The following ALK variants were observed in gnomAD, a reference collection of about 807,000 sequenced individuals.
ALK encodes the protein ALK tyrosine kinase receptor.
A neutral mutation model predicts 163.1 loss-of-function variants in ALK; 74 were observed. That is an observed-to-expected ratio of 0.45 (90% CI 0.38 to 0.55). The LOEUF (loss-of-function observed/expected upper bound fraction) is 0.55. Among genes scored for constraint, ALK ranks in the 20% least tolerant of loss-of-function variants. The pLI, the probability that ALK is intolerant of heterozygous loss-of-function variation, is 0.00. For synonymous variants in ALK, 960 were observed against 843.2 expected (o/e 1.14, Z -2.40); for missense variants, 2,063 against 2,105.3 (o/e 0.98, Z 0.39).
intron 1 of ALK, among the ~76,000 whole-genome samples, chr2:29,775,028 G>A (rs529107876): frequency 2.0e-5 from 3 of 152,174 alleles, no homozygotes; most frequent in Non-Finnish European, 4.4e-5. Flanking sequence ...GACAAATAGG[G>A]CCTAAGGGGA....
At chr2:29,834,075 A>G (rs1483911078) in intron 1 of ALK, among the ~76,000 whole-genome samples, 3 of 152,220 alleles carry the variant, frequency 2.0e-5, no homozygotes, top group Non-Finnish European at 2.9e-5. Flanking sequence ...AAAGGTATAT[A>G]AAATATTATT....
chr2:29,606,743 G>A (rs1675551672), intron 3 of ALK, among the ~76,000 whole-genome samples: 1 of 152,208 alleles, frequency 6.6e-6, no homozygotes, highest in South Asian at 2.1e-4. Flanking sequence ...GGCTTCAGTA[G>A]TTGCAACAGA....
At chr2:29,801,222 A>C (rs1434266915) in intron 1 of ALK, among the ~76,000 whole-genome samples, 1 of 152,252 alleles carries the variant, frequency 6.6e-6, no homozygotes, top group Non-Finnish European at 1.5e-5. Flanking sequence ...GAGTAGGCGA[A>C]GAAAACAAGA....
In ALK at chr2:29,920,839, G is replaced by A. The variant is rs547699380; in HGVS notation, c.-180C>T. The stretch of plus-strand genomic sequence containing the variant: ...CCCCCAACTGCACGGAGGCGAGCAG[G>A]AGTCTAAATGAAACAGACCTGGAAG... On this transcript the variant is annotated 5_prime_UTR_variant, in exon 1 of 29. Coordinates refer to ENST00000389048, the MANE Select transcript of ALK (RefSeq NM_004304.5). The A allele has an allele frequency of 3.2e-6, 2 of 618,382 alleles. No individual in the cohort carries two copies. Among genetic ancestry groups the A allele is most frequent in the East Asian group, 2.8e-5 (1 of 36,050 alleles). The allele number at this position is 618,382 out of a possible 1,614,324, so 38.3% of individuals were successfully genotyped here.
intron 20 of ALK, among the ~76,000 whole-genome samples, chr2:29,222,927 G>A (rs969296815): frequency 3.9e-5 from 6 of 152,170 alleles, no homozygotes; most frequent in African/African-American, 1.4e-4. Flanking sequence ...TTTCCCCGGG[G>A]GAGGTTCATG....
intron 4 of ALK, among the ~76,000 whole-genome samples, chr2:29,406,028 C>T (rs1669572137): frequency 6.6e-6 from 1 of 152,220 alleles, no homozygotes; most frequent in South Asian, 2.1e-4. Context: ...GCTCAAAGGC[C>T]ATTAATAGAT....
rs1451451993 is a variant in ALK at position 29,694,978 on chromosome 2, T to G, written c.824A>C (p.Glu275Ala). 1 of 1,613,926 alleles carries G rather than the reference T, an allele frequency of 6.2e-7. No homozygotes were observed. Among genetic ancestry groups the G allele is most frequent in the Non-Finnish European group, 8.5e-7 (1 of 1,180,002 alleles). Residue 275 changes from glutamate (E) to alanine (A), a missense_variant, in exon 3 of 29, where the codon GAG (glutamate) becomes GCG (alanine). This residue lies in a region of ALK where 987 missense variants were observed against 939.5 expected (regional missense o/e 1.05). Coordinates refer to ENST00000389048, the MANE Select transcript of ALK (RefSeq NM_004304.5). Reference protein sequence around the residue: ...ECSFDFPCELEYSPPLHDLRN... With the variant: ...ECSFDFPCELAYSPPLHDLRN... ...GAGGTCATGCAGTGGAGGGGAATACTCCAGCTCACAGGGGAAGTCAAAGCT... is the reference window on the plus strand; with the variant it reads ...GAGGTCATGCAGTGGAGGGGAATACGCCAGCTCACAGGGGAAGTCAAAGCT...
intron 9 of ALK, among the ~76,000 whole-genome samples, chr2:29,289,702 A>T (rs761651140): frequency 2.6e-5 from 4 of 152,108 alleles, no homozygotes; most frequent in Middle Eastern, 3.2e-3. Context: ...CCAACTTTGG[A>T]GCCTGCAGGT....
intron 4 of ALK, among the ~76,000 whole-genome samples, chr2:29,406,865 C>T (rs1378030382): frequency 6.8e-6 from 1 of 147,050 alleles, no homozygotes; most frequent in African/African-American, 2.6e-5. Context: ...CGCCACTGCA[C>T]TCCAGCCTGG....
chr2:29,193,186 A>C lies in ALK; in HGVS notation c.*38T>G. On this transcript the variant is annotated 3_prime_UTR_variant, in exon 29 of 29. Coordinates refer to ENST00000389048, the MANE Select transcript of ALK (RefSeq NM_004304.5). ...TTGCCTCTCTCTCCTCCACGGTCTTAGGGATCCCAAGGAAGAGAAGTGAGT... is the reference window on the plus strand; with the variant it reads ...TTGCCTCTCTCTCCTCCACGGTCTTCGGGATCCCAAGGAAGAGAAGTGAGT... 7.6e-6 allele frequency: 12 copies of C among 1,579,300 alleles called. No homozygotes were observed. The highest frequency in any genetic ancestry group is 8.7e-6 in the Non-Finnish European group (10 of 1,150,074).
chr2:29,544,345 G>T (rs1005164716), intron 3 of ALK, among the ~76,000 whole-genome samples: 2 of 152,184 alleles, frequency 1.3e-5, no homozygotes, highest in Non-Finnish European at 2.9e-5. Context: ...GGTACAACAA[G>T]AAGTAAACAG....
At chr2:29,363,825 C>A (rs190084454) in intron 5 of ALK, among the ~76,000 whole-genome samples, 1 of 152,216 alleles carries the variant, frequency 6.6e-6, no homozygotes, top group East Asian at 1.9e-4. Context: ...AAAAACACAT[C>A]GAGGAACCCA....
chr2:29,519,284 G>A (rs1311796305), intron 4 of ALK, among the ~76,000 whole-genome samples: 1 of 152,186 alleles, frequency 6.6e-6, no homozygotes, highest in Non-Finnish European at 1.5e-5. Flanking sequence ...AGAGCCTCTT[G>A]CATTGTTTTG....
At chr2:29,679,438 C>T (rs1677995496) in intron 3 of ALK, among the ~76,000 whole-genome samples, 1 of 150,878 alleles carries the variant, frequency 6.6e-6, no homozygotes, top group Admixed American at 6.6e-5. Context: ...TTGTTTCTTC[C>T]TTGCTTTTTC....
chr2:29,868,640 A>T (rs1273396535), intron 1 of ALK, among the ~76,000 whole-genome samples: 1 of 152,138 alleles, frequency 6.6e-6, no homozygotes, highest in Admixed American at 6.5e-5. Flanking sequence ...CAAATAGTCT[A>T]AGCCTTATGC....
At chr2:29,680,316 T>C (rs925522950) in intron 3 of ALK, among the ~76,000 whole-genome samples, 24 of 152,074 alleles carry the variant, frequency 1.6e-4, no homozygotes, top group Non-Finnish European at 2.9e-5. Flanking sequence ...TAAACACATA[T>C]TATAACACTT....
chr2:29,708,032 ACC>A (rs1241906522), intron 2 of ALK, among the ~76,000 whole-genome samples: 3 of 152,064 alleles, frequency 2.0e-5, no homozygotes, highest in Non-Finnish European at 2.9e-5. Context: ...AGGCTGGAAG[ACC>A]TTTTGTTGGG....
At chr2:29,402,590 G>A (rs79102499) in intron 4 of ALK, among the ~76,000 whole-genome samples, 21 of 152,072 alleles carry the variant, frequency 1.4e-4, no homozygotes, top group Non-Finnish European at 3.1e-4. Context: ...CTATTTTTTG[G>A]TTTCTAGTGC....
At chr2:29,558,184 T>A (rs1558383402) in intron 3 of ALK, among the ~76,000 whole-genome samples, 1 of 152,242 alleles carries the variant, frequency 6.6e-6, no homozygotes, top group Non-Finnish European at 1.5e-5. Flanking sequence ...GCAAACATAC[T>A]TGTTTGTTTA....
Sources: allele counts gnomAD v4.1 joint callset (sites outside exome capture counted in the v4.1 genomes callset), GRCh38; gene constraint gnomAD v4.1.1; regional missense constraint gnomAD v4.1.1; transcripts MANE v1.5; gene names NCBI Gene and HGNC (gene_info 2026-07-23, HGNC 2026-07-21).